FAM13A: variants seen among roughly 807,000 people sequenced by gnomAD.
FAM13A encodes protein FAM13A.
In FAM13A, 76 loss-of-function variants were observed where a neutral mutation model predicts 129.6. The ratio of observed to expected loss-of-function variants is 0.59; its 90% CI spans 0.49 to 0.71. The LOEUF (loss-of-function observed/expected upper bound fraction) is 0.71. Among genes scored for constraint, FAM13A ranks in the 30% least tolerant of loss-of-function variants. The pLI is 0.00. For synonymous variants in FAM13A, 443 were observed against 449.9 expected, an observed-to-expected ratio of 0.98 and a Z score of 0.20; for missense variants, 1,108 against 1,249.3, an observed-to-expected ratio of 0.89 and a Z score of 1.70.
chr4:88,889,001 T>C (rs973731701), intron 6 of FAM13A, among the ~76,000 whole-genome samples: 2 of 149,950 alleles, frequency 1.3e-5, no homozygotes, highest in East Asian at 2.0e-4. Flanking sequence ...GAAAGCTGCA[T>C]AGTTGAAGGA....
At chr4:89,017,593 T>C (rs1766668414) in intron 3 of FAM13A, among the ~76,000 whole-genome samples, 1 of 152,162 alleles carries the variant, frequency 6.6e-6, no homozygotes, top group Non-Finnish European at 1.5e-5. Flanking sequence ...TAATACAGAA[T>C]ACTATAGAAT....
At chr4:88,940,327 C>A (rs1013385832) in intron 4 of FAM13A, among the ~76,000 whole-genome samples, 3 of 149,474 alleles carry the variant, frequency 2.0e-5, no homozygotes, top group Non-Finnish European at 4.5e-5. Flanking sequence ...GCAATGGAGA[C>A]CCTTGTGATG....
intron 7 of FAM13A, among the ~76,000 whole-genome samples, chr4:88,837,922 T>C (rs1036931561): frequency 9.9e-5 from 15 of 152,154 alleles, no homozygotes; most frequent in Non-Finnish European, 1.5e-5. Flanking sequence ...GGGTTCCACA[T>C]CTATGGATTC....
At chr4:88,730,723 T>A (rs1427836413) in intron 23 of FAM13A, among the ~76,000 whole-genome samples, 1 of 152,192 alleles carries the variant, frequency 6.6e-6, no homozygotes, top group Admixed American at 6.5e-5. Flanking sequence ...ATTTTTCATT[T>A]AAACTTGGCA....
At chr4:89,001,453 A>C (rs1764232875) in intron 3 of FAM13A, among the ~76,000 whole-genome samples, 1 of 152,250 alleles carries the variant, frequency 6.6e-6, no homozygotes, top group South Asian at 2.1e-4. Flanking sequence ...AAAGATACAC[A>C]CTGAAAATGG....
intron 6 of FAM13A, among the ~76,000 whole-genome samples, chr4:88,903,327 A>C (rs1384120974): frequency 6.6e-6 from 1 of 152,208 alleles, no homozygotes; most frequent in Non-Finnish European, 1.5e-5. Context: ...GTATCATGCT[A>C]CCTGACTTCA....
At chr4:88,896,730 T>C (rs1168600863) in intron 6 of FAM13A, among the ~76,000 whole-genome samples, 1 of 152,238 alleles carries the variant, frequency 6.6e-6, no homozygotes, top group East Asian at 1.9e-4. Flanking sequence ...CCGCATCTTA[T>C]AGTTAATATG....
rs188457352 is a variant in FAM13A at position 89,003,707 on chromosome 4, T to C, written c.428-12557A>G. ...GTCAGAAAATATCTCACACACCATA[T>C]ACCCTCTTACGTAATTATTCACACA... On this transcript the variant is annotated intron_variant, in intron 3 of 23. Transcript: ENST00000264344. Among the ~76,000 whole-genome samples, 29 of 152,136 alleles carry C rather than the reference T, an allele frequency of 1.9e-4. No homozygotes were observed. In the East Asian group the frequency reaches 5.4e-3, roughly 28 times the overall value.
At chr4:88,948,608 C>T (rs1441722680) in intron 4 of FAM13A, among the ~76,000 whole-genome samples, 2 of 152,108 alleles carry the variant, frequency 1.3e-5, no homozygotes, top group Admixed American at 1.3e-4. Context: ...CCCGCCTCGG[C>T]TTCCTGAGTA....
At chr4:88,764,725 C>A (rs1285697111) in intron 13 of FAM13A, among the ~76,000 whole-genome samples, 1 of 152,120 alleles carries the variant, frequency 6.6e-6, no homozygotes. Context: ...TTTCACATTG[C>A]CCAGATAGGA....
chr4:89,055,338 A>T (rs1019934618), intron 1 of FAM13A, among the ~76,000 whole-genome samples: 14 of 152,170 alleles, frequency 9.2e-5, no homozygotes, highest in African/African-American at 3.4e-4. Flanking sequence ...TCAAAGGCCA[A>T]CCTTAAGGAG....
chr4:88,772,489 T>C (rs1720878376), intron 11 of FAM13A, among the ~76,000 whole-genome samples: 1 of 152,210 alleles, frequency 6.6e-6, no homozygotes, highest in African/African-American at 2.4e-5. Context: ...TACAACCATG[T>C]AACTAACTGT....
At chr4:88,851,568 G>GA (rs916608230) in intron 6 of FAM13A, among the ~76,000 whole-genome samples, 2 of 151,758 alleles carry the variant, frequency 1.3e-5, no homozygotes, top group African/African-American at 2.4e-5. Flanking sequence ...AAGGAGGCAG[G>GA]AAAAAAAAGA....
At chr4:88,867,841 T>C (rs941648824) in intron 6 of FAM13A, among the ~76,000 whole-genome samples, 2 of 152,198 alleles carry the variant, frequency 1.3e-5, no homozygotes, top group Non-Finnish European at 2.9e-5. Flanking sequence ...GATATGGGTA[T>C]GTAGGGGGAG....
intron 6 of FAM13A, among the ~76,000 whole-genome samples, chr4:88,857,911 T>G (rs1738826717): frequency 6.6e-6 from 1 of 152,188 alleles, no homozygotes; most frequent in South Asian, 2.1e-4. Context: ...TAATAGCATC[T>G]ACTTTCTTCC....
At chr4:88,790,480 C>T (rs1363950478) in intron 9 of FAM13A, 106 bp downstream of exon 9, 7 of 906,566 alleles carry the variant, frequency 7.7e-6, no homozygotes, top group East Asian at 7.3e-5. Flanking sequence ...CTGAATTTTC[C>T]AATACTGTAC....
At chr4:88,919,295 G>T (rs1381029414) in intron 5 of FAM13A, among the ~76,000 whole-genome samples, 1 of 152,156 alleles carries the variant, frequency 6.6e-6, no homozygotes, top group East Asian at 1.9e-4. Context: ...GTCTTAAAAA[G>T]GAATGCACAG....
intron 7 of FAM13A, among the ~76,000 whole-genome samples, chr4:88,849,801 A>G (rs917499494): frequency 6.6e-6 from 1 of 152,224 alleles, no homozygotes; most frequent in African/African-American, 2.4e-5. Flanking sequence ...CAACGAATGA[A>G]AGAATGAAAA....
intron 9 of FAM13A, among the ~76,000 whole-genome samples, chr4:88,789,639 C>T (rs1291453598): frequency 1.3e-5 from 2 of 152,128 alleles, no homozygotes; most frequent in African/African-American, 4.8e-5. Context: ...ATGAACATGA[C>T]AGACAAGTTC....
Sources: allele counts gnomAD v4.1 joint callset (sites outside exome capture counted in the v4.1 genomes callset), GRCh38; gene constraint gnomAD v4.1.1; transcripts MANE v1.5; gene names NCBI Gene and HGNC (gene_info 2026-07-23, HGNC 2026-07-21).